Variants in RABGAP1L observed in about 807,000 individuals in gnomAD.
RABGAP1L encodes the protein RAB GTPase activating protein 1 like, also known as rab GTPase-activating protein 1-like.
A neutral mutation model predicts 137.7 loss-of-function variants in RABGAP1L; 63 were observed. The observed-to-expected ratio is 0.46, with a 90% confidence interval of 0.37 to 0.56. RABGAP1L has a LOEUF of 0.56. Ranked by LOEUF, RABGAP1L falls within the 20% of genes least tolerant of loss-of-function variation. The pLI is 0.00. For missense variants in RABGAP1L, 1,095 were observed against 1,244.0 expected, an observed-to-expected ratio of 0.88 and a Z score of 1.80; for synonymous variants, 431 against 433.7, an observed-to-expected ratio of 0.99 and a Z score of 0.08.
intron 13 of RABGAP1L, among the ~76,000 whole-genome samples, chr1:174,622,605 C>T (rs906760195): frequency 1.3e-5 from 2 of 152,094 alleles, no homozygotes; most frequent in East Asian, 1.9e-4. Flanking sequence ...GTCACAAGGA[C>T]AGAAAACCAA....
At chr1:174,475,373 C>T (rs1309909065) in intron 13 of RABGAP1L, among the ~76,000 whole-genome samples, 1 of 152,012 alleles carries the variant, frequency 6.6e-6, no homozygotes, top group African/African-American at 2.4e-5. Flanking sequence ...TATATCTTCT[C>T]AGATATTGTG....
At chr1:174,981,828 A>G (rs1671159049) in intron 23 of RABGAP1L, among the ~76,000 whole-genome samples, 1 of 152,070 alleles carries the variant, frequency 6.6e-6, no homozygotes, top group South Asian at 2.1e-4. Flanking sequence ...AATCAATAAG[A>G]AGAATATATT....
At chr1:174,316,438 C>A (rs1679380373) in intron 11 of RABGAP1L, among the ~76,000 whole-genome samples, 1 of 152,154 alleles carries the variant, frequency 6.6e-6, no homozygotes, top group Non-Finnish European at 1.5e-5. Flanking sequence ...GCTGTATCTA[C>A]TTTAGGGGCA....
chr1:174,305,478 G>A (rs916460635), intron 11 of RABGAP1L, among the ~76,000 whole-genome samples: 7 of 152,022 alleles, frequency 4.6e-5, no homozygotes, highest in Admixed American at 6.6e-5. Flanking sequence ...TCTGCCTCCC[G>A]GGTTCAAACA....
intron 18 of RABGAP1L, among the ~76,000 whole-genome samples, chr1:174,808,226 A>G (rs920579910): frequency 6.6e-6 from 1 of 151,960 alleles, no homozygotes; most frequent in Non-Finnish European, 1.5e-5. Context: ...TGATCTCGTG[A>G]TCTGCCCGTC....
Position 174,449,114 on chromosome 1 carries a change from A to T in RABGAP1L, c.1710+54969A>T, listed in dbSNP as rs900153386. 16 of 1,613,748 alleles carry T rather than the reference A, an allele frequency of 9.9e-6. No homozygotes were observed. The African/African-American group carries it at 1.7e-4, about 18-fold the overall frequency. ...AGGCCTCCGAAGACTGTCTGAGACA[A>T]TGTGCACATCCTGTATGTGTGTGAA... is the stretch of plus-strand genomic sequence containing the variant. On this transcript the variant is annotated intron_variant, in intron 13 of 25. Transcript: ENST00000681986.
chr1:174,988,076 TG>T (rs1443400089), intron 24 of RABGAP1L, among the ~76,000 whole-genome samples: 1 of 152,270 alleles, frequency 6.6e-6, no homozygotes, highest in Non-Finnish European at 1.5e-5. Flanking sequence ...CCCAAAGTGC[TG>T]GGATTACAGG....
chr1:174,342,513 T>C (rs1311872548), intron 11 of RABGAP1L, among the ~76,000 whole-genome samples: 1 of 152,162 alleles, frequency 6.6e-6, no homozygotes, highest in African/African-American at 2.4e-5. Context: ...ACTGTAAAAA[T>C]CATCTTTGTA....
At chr1:174,605,034 A>G (rs978695249) in intron 13 of RABGAP1L, among the ~76,000 whole-genome samples, 5 of 152,128 alleles carry the variant, frequency 3.3e-5, no homozygotes, top group Admixed American at 2.6e-4. Context: ...CTAGCTTCTC[A>G]GGTTGCTGAG....
intron 19 of RABGAP1L, among the ~76,000 whole-genome samples, chr1:174,833,638 C>G (rs1177845740): frequency 6.6e-6 from 1 of 150,638 alleles, no homozygotes; most frequent in Non-Finnish European, 1.5e-5. Flanking sequence ...TCCACTCATT[C>G]TTTCACTTAA....
At chr1:174,756,862 G>A in intron 18 of RABGAP1L, 1 of 619,666 alleles carries the variant, frequency 1.6e-6, no homozygotes, top group Non-Finnish European at 3.0e-6. Context: ...ACAAGAAGGT[G>A]TCACACCACT....
chr1:174,363,058 G>C (rs1303807836), intron 11 of RABGAP1L, among the ~76,000 whole-genome samples: 1 of 152,126 alleles, frequency 6.6e-6, no homozygotes, highest in Non-Finnish European at 1.5e-5. Context: ...TTTCCCCATT[G>C]CTTGTTTTTG....
intron 18 of RABGAP1L, among the ~76,000 whole-genome samples, chr1:174,775,955 A>G (rs1256432705): frequency 1.3e-5 from 2 of 152,224 alleles, no homozygotes; most frequent in African/African-American, 4.8e-5. Flanking sequence ...GTCCGTAGGA[A>G]TTTCCAAGAT....
intron 13 of RABGAP1L, among the ~76,000 whole-genome samples, chr1:174,467,594 A>G (rs1657447475): frequency 6.6e-6 from 1 of 152,198 alleles, no homozygotes; most frequent in Non-Finnish European, 1.5e-5. Context: ...GAGCTACTGT[A>G]TGACAAGTAC....
At chr1:174,454,482 T>C (rs2149265403) in intron 13 of RABGAP1L, among the ~76,000 whole-genome samples, 1 of 152,208 alleles carries the variant, frequency 6.6e-6, no homozygotes, top group Admixed American at 6.5e-5. Context: ...TCTTGACTTA[T>C]TTTTGCTTTA....
intron 13 of RABGAP1L, among the ~76,000 whole-genome samples, chr1:174,466,575 T>G (rs1397942149): frequency 6.6e-6 from 1 of 151,922 alleles, no homozygotes; most frequent in Non-Finnish European, 1.5e-5. Context: ...TCACTTGAGG[T>G]CAGGAGTTTG....
intron 13 of RABGAP1L, among the ~76,000 whole-genome samples, chr1:174,582,203 T>A (rs1668795639): frequency 2.0e-5 from 3 of 151,708 alleles, no homozygotes; most frequent in African/African-American, 7.3e-5. Flanking sequence ...AAAAAACCCA[T>A]CTGTACAAAA....
intron 13 of RABGAP1L, among the ~76,000 whole-genome samples, chr1:174,443,736 T>C (rs1654415143): frequency 6.6e-6 from 1 of 152,124 alleles, no homozygotes; most frequent in Non-Finnish European, 1.5e-5. Context: ...TTTGAGGTCT[T>C]ACTCAAGTAG....
Position 174,650,317 on chromosome 1 carries a change from C to T in RABGAP1L, c.1824+12829C>T, listed in dbSNP as rs974258001. ...TCTCTTTTTTGGTTGTGTCTCTGCC[C>T]GGCTTTGGTATCAGGATGATGCTGG... On this transcript the variant is annotated intron_variant, in intron 14 of 25. Coordinates refer to ENST00000681986, the MANE Select transcript of RABGAP1L (RefSeq NM_001366446.1). Among the ~76,000 whole-genome samples the T allele has an allele frequency of 1.5e-4, 23 of 152,062 alleles. 1 individual carries two copies. The highest frequency in any genetic ancestry group is 4.6e-4 in the African/African-American group (19 of 41,450).
Sources: allele counts gnomAD v4.1 joint callset (sites outside exome capture counted in the v4.1 genomes callset), GRCh38; gene constraint gnomAD v4.1.1; transcripts MANE v1.5; gene names NCBI Gene and HGNC (gene_info 2026-07-23, HGNC 2026-07-21).